The following FHIT variants were observed in gnomAD, a reference collection of about 807,000 sequenced individuals.
FHIT encodes the protein bis(5'-adenosyl)-triphosphatase.
In FHIT, 19 loss-of-function variants were observed where a neutral mutation model predicts 17.9. That is an observed-to-expected ratio of 1.06 (90% CI 0.74 to 1.56). The LOEUF is 1.56. Ranked by LOEUF, FHIT falls within the 40% of genes most tolerant of loss-of-function variation. FHIT has a pLI of 0.00. For synonymous variants in FHIT, 81 were observed against 69.7 expected, an observed-to-expected ratio of 1.16 and a Z score of -0.81; for missense variants, 248 against 189.2, an observed-to-expected ratio of 1.31 and a Z score of -1.82.
Position 60,827,632 on chromosome 3 carries a change from C to T in FHIT, c.-110-5621G>A, listed in dbSNP as rs1702175479. ...TACTTATAATAATGTGGCTGCTCTG[C>T]ACTGCAATAAACATCGGGTTTTCAA... is the stretch of plus-strand genomic sequence containing the variant. On this transcript the variant is annotated intron_variant, in intron 3 of 9. Transcript: ENST00000492590. 3.9e-5 allele frequency among the ~76,000 whole-genome samples: 6 copies of T among 152,184 alleles called. No homozygotes were observed. In the South Asian group the frequency reaches 1.2e-3, roughly 32 times the overall value.
At chr3:61,033,231 C>T (rs1011032917) in intron 3 of FHIT, among the ~76,000 whole-genome samples, 2 of 152,152 alleles carry the variant, frequency 1.3e-5, no homozygotes, top group Non-Finnish European at 2.9e-5. Flanking sequence ...TGTCCTGCCA[C>T]GTATTTTTGT....
At chr3:60,772,738 A>T (rs1700087489) in intron 4 of FHIT, among the ~76,000 whole-genome samples, 1 of 152,108 alleles carries the variant, frequency 6.6e-6, no homozygotes, top group Non-Finnish European at 1.5e-5. Flanking sequence ...CAAGATTTGC[A>T]ACTTCCCTAA....
intron 8 of FHIT, among the ~76,000 whole-genome samples, chr3:59,785,452 G>C (rs983487449): frequency 1.3e-5 from 2 of 152,082 alleles, no homozygotes; most frequent in Middle Eastern, 6.8e-3. Context: ...TGGGTTTACA[G>C]GCGTGCATCA....
At chr3:60,573,046 T>C (rs1245101910) in intron 4 of FHIT, among the ~76,000 whole-genome samples, 2 of 152,160 alleles carry the variant, frequency 1.3e-5, no homozygotes, top group South Asian at 2.1e-4. Flanking sequence ...AGCTACTAAG[T>C]GGCAGGCTCA....
At chr3:59,897,772 CTT>C (rs11401556) in intron 8 of FHIT, among the ~76,000 whole-genome samples, 1 of 144,568 alleles carries the variant, frequency 6.9e-6, no homozygotes. Context: ...CTTTTTTTTT[CTT>C]TTTTTTTTTT....
At chr3:60,620,244 T>C (rs1553677910) in intron 4 of FHIT, among the ~76,000 whole-genome samples, 1 of 152,074 alleles carries the variant, frequency 6.6e-6, no homozygotes, top group South Asian at 2.1e-4. Context: ...CCGCAATATT[T>C]TACAAAATGA....
intron 4 of FHIT, among the ~76,000 whole-genome samples, chr3:60,574,330 G>A (rs1553656799): frequency 6.6e-6 from 1 of 151,158 alleles, no homozygotes; most frequent in East Asian, 2.0e-4. Flanking sequence ...CTCACAAATT[G>A]TCCCCAGCAT....
intron 8 of FHIT, among the ~76,000 whole-genome samples, chr3:59,811,792 C>A (rs1441984687): frequency 1.3e-5 from 2 of 152,146 alleles, no homozygotes; most frequent in Non-Finnish European, 2.9e-5. Flanking sequence ...GCACTTACTG[C>A]CACTGTGATA....
chr3:60,423,930 C>T (rs1023004388), intron 5 of FHIT, among the ~76,000 whole-genome samples: 6 of 152,098 alleles, frequency 3.9e-5, no homozygotes, highest in Admixed American at 1.3e-4. Flanking sequence ...AAAAGTAATA[C>T]AGCTACTAAA....
At chr3:61,082,067 G>T (rs1204146589) in intron 2 of FHIT, among the ~76,000 whole-genome samples, 1 of 149,886 alleles carries the variant, frequency 6.7e-6, no homozygotes, top group Non-Finnish European at 1.5e-5. Context: ...TTTTTGCATT[G>T]CTCCAATAGA....
At chr3:60,431,218 A>G (rs1576641878) in intron 5 of FHIT, among the ~76,000 whole-genome samples, 1 of 5,946 alleles carries the variant, frequency 1.7e-4, no homozygotes, top group South Asian at 6.7e-3. Context: ...CTCAAAAGAA[A>G]AAAAAAAAAA....
intron 8 of FHIT, among the ~76,000 whole-genome samples, chr3:59,859,212 G>C (rs371287758): frequency 6.6e-6 from 1 of 152,126 alleles, no homozygotes; most frequent in South Asian, 2.1e-4. Context: ...TGATCAAGTG[G>C]GGATACGGTC....
intron 2 of FHIT, among the ~76,000 whole-genome samples, chr3:61,071,740 A>C (rs376192522): frequency 7.2e-5 from 11 of 152,346 alleles, no homozygotes; most frequent in African/African-American, 2.4e-4. Flanking sequence ...GAAAATGATC[A>C]GTACATATTT....
At chr3:60,252,488 A>AG (rs1029551841) in intron 5 of FHIT, among the ~76,000 whole-genome samples, 3 of 152,074 alleles carry the variant, frequency 2.0e-5, no homozygotes, top group African/African-American at 4.8e-5. Flanking sequence ...ACTTGAGCAT[A>AG]GGGGGGTCAA....
intron 3 of FHIT, among the ~76,000 whole-genome samples, chr3:61,039,028 C>A (rs1559930871): frequency 6.6e-6 from 1 of 151,994 alleles, no homozygotes; most frequent in East Asian, 1.9e-4. Context: ...CTACTTGGTG[C>A]ATATTTGGAA....
chr3:60,292,688 C>G (rs759217735), intron 5 of FHIT, among the ~76,000 whole-genome samples: 36 of 151,958 alleles, frequency 2.4e-4, no homozygotes, highest in Admixed American at 6.6e-5. Context: ...CACCAACTAA[C>G]GAAGACAGGA....
chr3:61,218,292 A>G (rs1361425800), intron 1 of FHIT, among the ~76,000 whole-genome samples: 1 of 152,216 alleles, frequency 6.6e-6, no homozygotes, highest in Non-Finnish European at 1.5e-5. Context: ...AAGTAAAACT[A>G]AATCCTCAAG....
Position 60,297,442 on chromosome 3 carries a change from T to C in FHIT, c.103+239418A>G, listed in dbSNP as rs535000876. On this transcript the variant is annotated intron_variant, in intron 5 of 9. Coordinates refer to ENST00000492590, the MANE Select transcript of FHIT (RefSeq NM_002012.4). ...TTGGTATCTATCTGTTGATTGCTAA[T>C]ATAAATAAACATAGTTGGTTTCTAT... Among the ~76,000 whole-genome samples, 16 of 152,248 alleles carry C rather than the reference T, an allele frequency of 1.1e-4. No homozygotes were observed. In the South Asian group the frequency reaches 2.7e-3, roughly 26 times the overall value.
intron 8 of FHIT, among the ~76,000 whole-genome samples, chr3:59,918,474 A>C (rs1315578168): frequency 6.6e-6 from 1 of 151,756 alleles, no homozygotes; most frequent in African/African-American, 2.4e-5. Context: ...CCCTTTGAGG[A>C]GGTTCTGCAC....
Sources: allele counts gnomAD v4.1 joint callset (sites outside exome capture counted in the v4.1 genomes callset), GRCh38; gene constraint gnomAD v4.1.1; transcripts MANE v1.5; gene names NCBI Gene and HGNC (gene_info 2026-07-23, HGNC 2026-07-21).